PDLIM1: variants seen among roughly 807,000 people sequenced by gnomAD.
PDLIM1 encodes the protein PDZ and LIM domain 1.
Under a neutral mutation model 35.2 loss-of-function variants are expected in PDLIM1, and 25 were observed. The observed-to-expected ratio is 0.71, with a 90% CI of 0.52 to 0.99. The LOEUF is 0.99. Among genes scored for constraint, PDLIM1 ranks in the 50% least tolerant of loss-of-function variants. PDLIM1 has a pLI of 0.00. For synonymous variants in PDLIM1, 152 were observed against 154.0 expected (o/e 0.99, Z 0.10); for missense variants, 363 against 415.3 (o/e 0.87, Z 1.09).
chr10:95,253,385 TA>T (rs1444461750), intron 4 of PDLIM1, among the ~76,000 whole-genome samples: 1 of 151,976 alleles, frequency 6.6e-6, no homozygotes, highest in Admixed American at 6.6e-5. Flanking sequence ...GGAAGTTCTC[TA>T]AATAGACGAA....
At chr10:95,258,431 G>C (rs1277393890) in intron 4 of PDLIM1, among the ~76,000 whole-genome samples, 1 of 151,992 alleles carries the variant, frequency 6.6e-6, no homozygotes, top group Non-Finnish European at 1.5e-5. Flanking sequence ...AACCTGGAGG[G>C]GCAGAGTTTG....
At chr10:95,260,913 C>T (rs1199458341) in intron 4 of PDLIM1, among the ~76,000 whole-genome samples, 1 of 152,228 alleles carries the variant, frequency 6.6e-6, no homozygotes, top group Non-Finnish European at 1.5e-5. Flanking sequence ...AGAAATACAC[C>T]AGCAAGCTGA....
At chr10:95,287,001 T>C (rs572616153) in intron 1 of PDLIM1, among the ~76,000 whole-genome samples, 1 of 152,192 alleles carries the variant, frequency 6.6e-6, no homozygotes, top group Admixed American at 6.5e-5. Flanking sequence ...CCACTGTTCT[T>C]CCCTCTTGCC....
rs369852384 is a variant in PDLIM1, at chr10:95,290,844, G to C, written c.72C>G (p.Phe24Leu). The change falls in exon 1 of 7, where the codon TTC becomes TTG. Residue 24 changes from phenylalanine (F) to leucine (L), a missense_variant. Transcript: ENST00000329399. This position sits in a 1 kb window ranked among gnomAD's most constrained non-coding sequence, Gnocchi z 4.7. ...CCCGGGAAATGGCGAGAGGCTGCTC[G>C]AAGTCCTTGCCGCCCACGAGGCGGA... Reference protein sequence around the residue: ...WGFRLVGGKDFEQPLAISRVT... With the variant: ...WGFRLVGGKDLEQPLAISRVT... 6.4e-7 allele frequency: 1 copy of C among 1,564,260 alleles called. No homozygotes were observed.
intron 1 of PDLIM1, among the ~76,000 whole-genome samples, chr10:95,273,961 ACAAACT>A (rs1370820943): frequency 1.3e-5 from 2 of 152,330 alleles, no homozygotes; most frequent in Admixed American, 6.5e-5. Flanking sequence ...TTCTTGACTG[ACAAACT>A]CTAACTCCAA....
At chr10:95,277,640 A>G (rs2035523879) in intron 1 of PDLIM1, among the ~76,000 whole-genome samples, 1 of 150,248 alleles carries the variant, frequency 6.7e-6, no homozygotes, top group African/African-American at 2.5e-5. Context: ...AAGAATGTCT[A>G]AAAATAAAAT....
At chr10:95,238,847 C>A in intron 5 of PDLIM1, 162 bp from the exon 6 acceptor site, 1 of 542,656 alleles carries the variant, frequency 1.8e-6, no homozygotes, top group Non-Finnish European at 3.4e-6. Flanking sequence ...TCTCTGGTCC[C>A]CAGTTTATTT....
intron 4 of PDLIM1, among the ~76,000 whole-genome samples, chr10:95,261,453 C>T (rs778116515): frequency 2.0e-5 from 3 of 152,156 alleles, no homozygotes; most frequent in Non-Finnish European, 4.4e-5. Flanking sequence ...AGCTTCCTCT[C>T]AGGGTGTGTC....
In PDLIM1 at chr10:95,289,448, G is replaced by A. The variant is rs1007962872; in HGVS notation, c.96+1372C>T. ...GGTCTCTGTGGGACGAGGCAAACAG[G>A]TGGAAGATAAGGCCCAAAAACTGGC... On this transcript the variant is annotated intron_variant, in intron 1 of 6. Coordinates refer to ENST00000329399, the MANE Select transcript of PDLIM1 (RefSeq NM_020992.4). Among the ~76,000 whole-genome samples the A allele has an allele frequency of 3.3e-5, 5 of 152,174 alleles. No individual in the cohort carries two copies. In the East Asian group the frequency reaches 9.6e-4, roughly 29 times the overall value.
intron 4 of PDLIM1, among the ~76,000 whole-genome samples, chr10:95,262,341 G>A (rs1046119154): frequency 1.3e-5 from 2 of 152,180 alleles, no homozygotes; most frequent in Admixed American, 6.5e-5. Flanking sequence ...GGGCTTCAGA[G>A]GCAATACAAA....
At chr10:95,261,444 G>C (rs950173931) in intron 4 of PDLIM1, among the ~76,000 whole-genome samples, 1 of 152,134 alleles carries the variant, frequency 6.6e-6, no homozygotes, top group Non-Finnish European at 1.5e-5. Flanking sequence ...CTGCTTGGAA[G>C]CTTCCTCTCA....
Position 95,272,695 on chromosome 10 carries a change from T to TA in PDLIM1, c.97-912dup, listed in dbSNP as rs35563831. ...TAATAATAATAATAAAATAAAAATT[T>TA]AAAAAAAAATTGTTAAAAGCAATCA... On this transcript the variant is annotated intron_variant, in intron 1 of 6. Coordinates refer to ENST00000329399, the MANE Select transcript of PDLIM1 (RefSeq NM_020992.4). 1.8e-4 allele frequency among the ~76,000 whole-genome samples: 27 copies of TA among 151,496 alleles called. 1 individual carries two copies. In the East Asian group the frequency reaches 3.5e-3, roughly 20 times the overall value.
intron 4 of PDLIM1, among the ~76,000 whole-genome samples, chr10:95,262,203 G>T (rs962081712): frequency 3.9e-5 from 6 of 152,042 alleles, no homozygotes; most frequent in African/African-American, 1.4e-4. Flanking sequence ...CATTTAAGTA[G>T]TTTGGAACCT....
intron 1 of PDLIM1, among the ~76,000 whole-genome samples, chr10:95,278,678 G>A (rs1486700005): frequency 6.6e-6 from 1 of 151,812 alleles, no homozygotes; most frequent in Admixed American, 6.6e-5. Flanking sequence ...AAGAGGATGA[G>A]GCTGTAGATG....
intron 5 of PDLIM1, among the ~76,000 whole-genome samples, chr10:95,240,449 G>C (rs2026680): frequency 0.34 from 52,358 of 152,056 alleles, 9,538 homozygotes; most frequent in Middle Eastern, 0.52. Context: ...GATGAGAACA[G>C]ATGGACACAT....
At chr10:95,285,912 T>C (rs570814486) in intron 1 of PDLIM1, among the ~76,000 whole-genome samples, 2 of 152,372 alleles carry the variant, frequency 1.3e-5, no homozygotes, top group Non-Finnish European at 2.9e-5. Context: ...GCAGATCAAA[T>C]AAATATTTCT....
At chr10:95,244,473 G>C (rs2035202635) in intron 5 of PDLIM1, among the ~76,000 whole-genome samples, 1 of 152,344 alleles carries the variant, frequency 6.6e-6, no homozygotes. Flanking sequence ...GCAGGTCAGA[G>C]GCAGATCCTG....
At chr10:95,284,067 G>A (rs2035581848) in intron 1 of PDLIM1, among the ~76,000 whole-genome samples, 1 of 151,186 alleles carries the variant, frequency 6.6e-6, no homozygotes, top group African/African-American at 2.4e-5. Context: ...TTGTTGCTGT[G>A]ATGTTTTATA....
chr10:95,275,558 G>T (rs189526845), intron 1 of PDLIM1, among the ~76,000 whole-genome samples: 1 of 152,242 alleles, frequency 6.6e-6, no homozygotes, highest in East Asian at 1.9e-4. Context: ...CCTTTAAAAT[G>T]AATTATTTCA....
Sources: gnomAD v4.1 joint callset for allele counts (sites outside exome capture counted in the v4.1 genomes callset) on GRCh38, gnomAD v4.1.1 for gene constraint, Gnocchi (gnomAD v3.1) non-coding constraint, MANE v1.5 for transcripts, NCBI Gene and HGNC (gene_info 2026-07-23, HGNC 2026-07-21) for gene names.